The following PDIA6 variants were observed in gnomAD, a reference collection of about 807,000 sequenced individuals.
PDIA6 encodes the protein protein disulfide isomerase family A member 6.
A neutral mutation model predicts 58.4 loss-of-function variants in PDIA6; 29 were observed. That is an observed-to-expected ratio of 0.50 (90% confidence interval 0.37 to 0.68). The LOEUF (loss-of-function observed/expected upper bound fraction) is 0.68, where lower values mean the gene tolerates loss of function less well. Ranked by LOEUF, PDIA6 falls within the 30% of genes least tolerant of loss-of-function variation. PDIA6 has a pLI of 0.00. For synonymous variants in PDIA6, 192 were observed against 202.6 expected, an observed-to-expected ratio of 0.95 and a Z score of 0.44; for missense variants, 480 against 551.0, an observed-to-expected ratio of 0.87 and a Z score of 1.29.
At chr2:10,837,632 G>T in exon 1 of PDIA6, 1 of 1,286,766 alleles carries the variant, frequency 7.8e-7, no homozygotes, top group Non-Finnish European at 1.1e-6. Context: ...CCCAGGCACA[G>T]AATTGCAGCT....
chr2:10,821,946 T>TA (rs34808017), intron 1 of PDIA6, among the ~76,000 whole-genome samples: 55,913 of 141,252 alleles, frequency 0.4, 10,934 homozygotes, highest in East Asian at 0.72. Flanking sequence ...TTTTTAAAAT[T>TA]AAAAAAAAAA....
intron 2 of PDIA6, among the ~76,000 whole-genome samples, chr2:10,801,922 G>T (rs1442302802): frequency 6.6e-6 from 1 of 152,184 alleles, no homozygotes; most frequent in Non-Finnish European, 1.5e-5. Flanking sequence ...GCTAGGGTTT[G>T]GTTCTCCTCT....
chr2:10,830,749 T>G (rs1667687345), intron 1 of PDIA6, among the ~76,000 whole-genome samples: 1 of 152,176 alleles, frequency 6.6e-6, no homozygotes, highest in African/African-American at 2.4e-5. Context: ...GGCCCTCGGG[T>G]CACCCCCTGC....
At chr2:10,786,518 C>T (rs1337946941) in intron 11 of PDIA6, among the ~76,000 whole-genome samples, 1 of 124,612 alleles carries the variant, frequency 8.0e-6, no homozygotes, top group Admixed American at 7.3e-5. Context: ...ACTCTCCACA[C>T]AGCACACACA....
chr2:10,827,856 C>A (rs925740938), intron 1 of PDIA6, among the ~76,000 whole-genome samples: 6 of 149,732 alleles, frequency 4.0e-5, no homozygotes, highest in African/African-American at 1.5e-4. Flanking sequence ...TCTTGCAATT[C>A]TTTAGAACTA....
chr2:10,813,106 C>T (rs1177468375), upstream of PDIA6, among the ~76,000 whole-genome samples: 1 of 152,012 alleles, frequency 6.6e-6, no homozygotes, highest in Non-Finnish European at 1.5e-5. Flanking sequence ...TGCACCCCCC[C>T]ACCCCGCCTC....
chr2:10,794,468 CTTTTTTTTTTTT>C (rs76574229), intron 4 of PDIA6, among the ~76,000 whole-genome samples: 3 of 128,744 alleles, frequency 2.3e-5, no homozygotes, highest in South Asian at 4.6e-4. Flanking sequence ...AAAAATCTTT[CTTTTTTTTTTTT>C]TTTTTTTTTA....
chr2:10,815,984 C>T (rs749770149), upstream of PDIA6, among the ~76,000 whole-genome samples: 1 of 152,076 alleles, frequency 6.6e-6, no homozygotes, highest in Non-Finnish European at 1.5e-5. Context: ...ACTCCCCCTT[C>T]CCTGCTGTCC....
upstream of PDIA6, among the ~76,000 whole-genome samples, chr2:10,834,065 G>C (rs1282098730): frequency 6.6e-6 from 1 of 152,206 alleles, no homozygotes; most frequent in South Asian, 2.1e-4. Flanking sequence ...CTGGGCATTA[G>C]GTGTTTTCTA....
At chr2:10,816,755 T>C (rs1212617567), upstream of PDIA6, among the ~76,000 whole-genome samples, 1 of 152,146 alleles carries the variant, frequency 6.6e-6, no homozygotes, top group African/African-American at 2.4e-5. Flanking sequence ...GAGCTTCTAC[T>C]TCCTAGAATC....
chr2:10,820,135 C>A (rs186893655), intron 1 of PDIA6, among the ~76,000 whole-genome samples: 4 of 152,168 alleles, frequency 2.6e-5, no homozygotes, highest in Non-Finnish European at 5.9e-5. Flanking sequence ...AGATTAAAGA[C>A]GTGGACCCAC....
In PDIA6 at chr2:10,793,155, G is replaced by C. The variant is rs763811699; in HGVS notation, c.394C>G (p.Arg132Gly). 1.2e-5 allele frequency: 19 copies of C among 1,614,090 alleles called. No individual in the cohort carries two copies. The highest frequency in any genetic ancestry group is 1.6e-5 in the Non-Finnish European group (19 of 1,179,962). The change falls in exon 5 of 13, where the codon CGC (arginine) becomes GGC (glycine). Residue 132 changes from arginine to glycine, a missense_variant. Transcript: ENST00000272227. ...AIVDAALSAL[R>G]QLVKDRLGGR... ...CCGAGGCGATCCTTCACGAGCTGGC[G>C]CAGAGCACTCAGCGCAGCATCTACA...
intron 4 of PDIA6, among the ~76,000 whole-genome samples, chr2:10,796,344 T>A (rs1028390357): frequency 6.6e-6 from 1 of 152,104 alleles, no homozygotes; most frequent in African/African-American, 2.4e-5. Context: ...TGAGCCATCA[T>A]GCCCAGCCCG....
chr2:10,789,837 T>G lies in PDIA6; in HGVS notation c.752A>C (p.Asp251Ala), dbSNP rs1173078440. 1 of 1,613,650 alleles carries G rather than the reference T, an allele frequency of 6.2e-7. No homozygotes were observed. The highest frequency in any genetic ancestry group is 8.5e-7 in the Non-Finnish European group (1 of 1,179,802). Reference sequence around the variant, plus strand: ...GGATCTTGTCCGCCCACCGTCATAATCCACAGGAGACTCGCCTTTCTGAAA... The same window carrying G: ...GGATCTTGTCCGCCCACCGTCATAAGCCACAGGAGACTCGCCTTTCTGAAA... ...KIFQKGESPV[D>A]YDGGRTRSDI... is the part of the protein sequence containing the mutation. Residue 251 changes from aspartate to alanine, a missense_variant, in exon 8 of 13, where the codon GAT becomes GCT. Physicochemically the swap from Asp to Ala is moderately radical, Grantham distance 126 (BLOSUM62 -2). Coordinates refer to ENST00000272227, the MANE Select transcript of PDIA6 (RefSeq NM_005742.4).
chr2:10,806,989 A>G (rs1365552319), intron 1 of PDIA6, among the ~76,000 whole-genome samples: 1 of 152,268 alleles, frequency 6.6e-6, no homozygotes, highest in Non-Finnish European at 1.5e-5. Context: ...ATCGTCTGAT[A>G]CAATAGCAAT....
chr2:10,823,033 T>C (rs72779464), intron 1 of PDIA6: 39,225 of 152,200 alleles, frequency 0.26, 5,332 homozygotes, highest in African/African-American at 0.28. Flanking sequence ...CGGGGTGGTT[T>C]GTATAAATCC....
At chr2:10,829,816 C>T (rs564749637) in intron 1 of PDIA6, among the ~76,000 whole-genome samples, 81 of 152,312 alleles carry the variant, frequency 5.3e-4, no homozygotes, top group South Asian at 1.0e-3. Flanking sequence ...CTGGATTCCT[C>T]TAAGGATGAG....
intron 10 of PDIA6, 138 bp from the exon 11 acceptor site, chr2:10,787,577 T>C (rs532391148): frequency 1.2e-4 from 105 of 860,582 alleles, no homozygotes; most frequent in Non-Finnish European, 1.8e-4. Context: ...TGAGTTTCTA[T>C]ATGGATTTTC....
At chr2:10,791,721 G>T in intron 6 of PDIA6, 74 bp downstream of exon 6, 1 of 1,356,614 alleles carries the variant, frequency 7.4e-7, no homozygotes, top group African/African-American at 1.4e-5. Flanking sequence ...ATCTACTTCA[G>T]CTCTTTCAAA....
Sources: gnomAD v4.1 joint callset for allele counts (sites outside exome capture counted in the v4.1 genomes callset) on GRCh38, gnomAD v4.1.1 for gene constraint, MANE v1.5 for transcripts, NCBI Gene and HGNC (gene_info 2026-07-23, HGNC 2026-07-21) for gene names.